The following ATP11B variants were observed in gnomAD, a reference collection of about 807,000 sequenced individuals.
The protein encoded by ATP11B is phospholipid-transporting ATPase IF.
Under a neutral mutation model 157.8 loss-of-function variants are expected in ATP11B, and 81 were observed. That is an observed-to-expected ratio of 0.51 (90% CI 0.43 to 0.62). The LOEUF is 0.62. Ranked by LOEUF, ATP11B falls within the 20% of genes least tolerant of loss-of-function variation. The pLI, the probability that ATP11B is intolerant of heterozygous loss-of-function variation, is 0.00. For missense variants in ATP11B, 1,165 were observed against 1,402.2 expected (o/e 0.83, Z 2.70); for synonymous variants, 451 against 469.4 (o/e 0.96, Z 0.51).
chr3:182,912,011 G>A (rs1305009795), intron 28 of ATP11B, among the ~76,000 whole-genome samples: 2 of 152,154 alleles, frequency 1.3e-5, no homozygotes, highest in Admixed American at 1.3e-4. Flanking sequence ...GCATTGGGAA[G>A]CAGAGCAGGA....
intron 12 of ATP11B, 84 bp downstream of exon 12, chr3:182,859,443 A>G: frequency 8.1e-7 from 1 of 1,230,334 alleles, no homozygotes; most frequent in Non-Finnish European, 1.1e-6. Flanking sequence ...GTAACAAGGT[A>G]TTATGATGCT....
At chr3:182,884,615 A>C in intron 21 of ATP11B, 138 bp from the exon 22 acceptor site, 1 of 700,620 alleles carries the variant, frequency 1.4e-6, no homozygotes, top group Non-Finnish European at 2.2e-6. Context: ...AACCTTTTGG[A>C]CATCTGCTAT....
At position 182,821,785 on chromosome 3, in the gene ATP11B, T is replaced by A. The variant is rs373250595; in HGVS notation, c.144+1409T>A. Reference sequence around the variant, plus strand: ...ACGGTACAGTTATAGAGGATATGAGTCAAAGAGACTGAGGGTAAAGTTTTC... The same window carrying A: ...ACGGTACAGTTATAGAGGATATGAGACAAAGAGACTGAGGGTAAAGTTTTC... On this transcript the variant is annotated intron_variant, in intron 2 of 29. Transcript: ENST00000323116. Among the ~76,000 whole-genome samples the A allele has an allele frequency of 2.8e-4, 43 of 152,256 alleles. No individual in the cohort carries two copies. In the East Asian group the frequency reaches 7.3e-3, roughly 26 times the overall value.
At chr3:182,870,759 G>A (rs373263344) in intron 17 of ATP11B, among the ~76,000 whole-genome samples, 2 of 150,608 alleles carry the variant, frequency 1.3e-5, no homozygotes, top group African/African-American at 4.9e-5. Flanking sequence ...AGATCACGAG[G>A]TCAGGAGATT....
At chr3:182,871,415 G>T (rs1694607779) in intron 17 of ATP11B, among the ~76,000 whole-genome samples, 1 of 152,178 alleles carries the variant, frequency 6.6e-6, no homozygotes, top group Non-Finnish European at 1.5e-5. Context: ...AATACTATAA[G>T]AAAACTTTGG....
rs750203215 is a variant in ATP11B at position 182,866,421 on chromosome 3, G to A, written c.1597G>A (p.Ala533Thr). The A allele has an allele frequency of 6.2e-7, 1 of 1,608,106 alleles. No homozygotes were observed. The highest frequency in any genetic ancestry group is 8.5e-7 in the Non-Finnish European group (1 of 1,176,582). Residue 533 changes from alanine (A) to threonine (T), a missense_variant, in exon 14 of 30, where the codon GCT (alanine) becomes ACT (threonine). By Grantham distance (58) the Ala-to-Thr change is moderately conservative. Around this residue, in one of 4 missense-constraint regions of ATP11B, gnomAD observed 737 missense variants for 930.5 expected, o/e 0.79. Coordinates refer to ENST00000323116, the MANE Select transcript of ATP11B (RefSeq NM_014616.3). ...EYYASSPDEK[A>T]LVEAAARIGI... is the part of the protein sequence containing the mutation. ...CTATGCATCTTCACCAGATGAAAAGGCTCTAGTAGAAGCTGCTGCAAGGTA... is the reference window on the plus strand; with the variant it reads ...CTATGCATCTTCACCAGATGAAAAGACTCTAGTAGAAGCTGCTGCAAGGTA...
chr3:182,815,769 T>C (rs1443754560), intron 1 of ATP11B, among the ~76,000 whole-genome samples: 1 of 152,216 alleles, frequency 6.6e-6, no homozygotes, highest in Non-Finnish European at 1.5e-5. Context: ...TAAAGAAGTA[T>C]GACTAATTAA....
At chr3:182,902,719 C>T (rs980936107) in intron 28 of ATP11B, among the ~76,000 whole-genome samples, 3 of 151,506 alleles carry the variant, frequency 2.0e-5, no homozygotes, top group Non-Finnish European at 4.4e-5. Flanking sequence ...TTAACATATA[C>T]GTTAAAACCT....
chr3:182,858,121 G>A, intron 11 of ATP11B, 93 bp downstream of exon 11: 1 of 1,163,556 alleles, frequency 8.6e-7, no homozygotes, highest in Non-Finnish European at 1.2e-6. Context: ...AGAGACCACT[G>A]TAATCCTAAA....
intron 13 of ATP11B, among the ~76,000 whole-genome samples, chr3:182,866,040 G>A (rs1354150983): frequency 6.6e-6 from 1 of 152,136 alleles, no homozygotes. Context: ...ATAAAAAAGT[G>A]TTCCCCTCTA....
chr3:182,884,916 A>G lies in ATP11B; in HGVS notation c.2655+18A>G. 7.8e-7 allele frequency: 1 copy of G among 1,281,970 alleles called. No homozygotes were observed. 79.4% of individuals were successfully genotyped at this position (1,281,970 alleles called of 1,614,324 possible). A position where few individuals can be genotyped will look rare whatever the true frequency, so the allele number is the denominator to read the frequency against. On this transcript the variant is annotated intron_variant, in intron 22 of 29. Coordinates refer to ENST00000323116, the MANE Select transcript of ATP11B (RefSeq NM_014616.3). ...TTTATAAGGTGAGTTTCATGTATTT[A>G]GAATCAATTATTGATATAGTAATAT...
chr3:182,837,498 A>AT (rs71629969), intron 7 of ATP11B, among the ~76,000 whole-genome samples: 15 of 151,998 alleles, frequency 9.9e-5, no homozygotes, highest in Non-Finnish European at 1.6e-4. Flanking sequence ...GAAAATAATG[A>AT]TTTTTTTGGT....
chr3:182,845,006 ATTTT>A (rs375605298), intron 8 of ATP11B, among the ~76,000 whole-genome samples: 12,817 of 125,730 alleles, frequency 0.1, 465 homozygotes, highest in African/African-American at 0.14. Flanking sequence ...TTTTTTTTTT[ATTTT>A]TTTTTATTTT....
intron 12 of ATP11B, among the ~76,000 whole-genome samples, chr3:182,862,140 C>A (rs541145573): frequency 6.6e-6 from 1 of 151,728 alleles, no homozygotes; most frequent in Admixed American, 6.6e-5. Flanking sequence ...ATTAGCTGGG[C>A]GCAGTGGTGT....
intron 17 of ATP11B, among the ~76,000 whole-genome samples, chr3:182,870,881 T>C (rs891022800): frequency 3.5e-5 from 5 of 144,894 alleles, no homozygotes; most frequent in Admixed American, 7.1e-5. Context: ...TGAGCCAAGA[T>C]CGCACCACTG....
intron 25 of ATP11B, among the ~76,000 whole-genome samples, chr3:182,893,386 T>C (rs1723305164): frequency 6.6e-6 from 1 of 152,160 alleles, no homozygotes; most frequent in African/African-American, 2.4e-5. Flanking sequence ...GTCTCATTCA[T>C]ATGCCTTTGC....
At chr3:182,865,751 C>T in intron 13 of ATP11B, 53 bp downstream of exon 13, 1 of 1,456,238 alleles carries the variant, frequency 6.9e-7, no homozygotes, top group Middle Eastern at 1.8e-4. Context: ...TAATTCTCTT[C>T]AGTAGTTGAT....
chr3:182,824,099 A>T (rs967314820), intron 2 of ATP11B, among the ~76,000 whole-genome samples: 1 of 151,828 alleles, frequency 6.6e-6, no homozygotes, highest in Admixed American at 6.6e-5. Context: ...TTTGTGCCTG[A>T]CTTCTTTTTT....
chr3:182,912,625 T>C (rs1202147496), intron 28 of ATP11B, among the ~76,000 whole-genome samples: 1 of 152,232 alleles, frequency 6.6e-6, no homozygotes, highest in Non-Finnish European at 1.5e-5. Flanking sequence ...ATAAGAACCA[T>C]GTTGTTTCAC....
Sources: gnomAD v4.1 joint callset for allele counts (sites outside exome capture counted in the v4.1 genomes callset) on GRCh38, gnomAD v4.1.1 for gene constraint, gnomAD v4.1.1 regional missense constraint, MANE v1.5 for transcripts, NCBI Gene and HGNC (gene_info 2026-07-23, HGNC 2026-07-21) for gene names.